The following RS1 variants were observed in gnomAD, a reference collection of about 807,000 sequenced individuals.
RS1 encodes the protein retinoschisin.
Under a neutral mutation model 20.8 loss-of-function variants are expected in RS1, and 2 were observed. The observed-to-expected ratio is 0.10, with a 90% CI of 0.04 to 0.30. The LOEUF is 0.30. RS1 is among the 10% of genes least tolerant of loss of function. The pLI is 1.00. For missense variants in RS1, 151 were observed against 189.8 expected (o/e 0.80, Z 1.20); for synonymous variants, 70 against 75.8 (o/e 0.92, Z 0.40).
intron 1 of RS1, among the ~76,000 whole-genome samples, chrX:18,661,884 G>C (rs969438294): frequency 8.9e-6 from 1 of 112,605 alleles, no homozygotes; most frequent in East Asian, 2.8e-4. Flanking sequence ...TAGGGTCTTG[G>C]AGTTTTGATA....
chrX:18,651,270 A>T lies in RS1; in HGVS notation c.185-3938T>A, dbSNP rs868109050. Among the ~76,000 whole-genome samples, 698 of 105,060 alleles carry T rather than the reference A, an allele frequency of 6.6e-3. 8 individuals carry two copies. Among genetic ancestry groups the T allele is most frequent in the African/African-American group, 0.023 (641 of 27,625 alleles). 91.2% of individuals were successfully genotyped at this position (105,060 alleles called of 115,157 possible). A position where few individuals can be genotyped will look rare whatever the true frequency, so the allele number is the denominator to read the frequency against. On this transcript the variant is annotated intron_variant, in intron 3 of 5. Coordinates refer to ENST00000379984, the MANE Select transcript of RS1 (RefSeq NM_000330.4). ...GTGTGTGTGTGTGTGTGTGTGAGAGAGAGAGAGAGAGAGAGAGACAGAGAG... is the reference window on the plus strand; with the variant it reads ...GTGTGTGTGTGTGTGTGTGTGAGAGTGAGAGAGAGAGAGAGAGACAGAGAG...
intron 1 of RS1, among the ~76,000 whole-genome samples, chrX:18,664,027 C>T (rs964186438): frequency 4.5e-5 from 5 of 111,499 alleles, no homozygotes; most frequent in African/African-American, 1.3e-4. Context: ...AACATATATG[C>T]GCCCTATGAC....
chrX:18,651,234 T>C (rs1928021604), intron 3 of RS1, among the ~76,000 whole-genome samples: 1 of 92,163 alleles, frequency 1.1e-5, no homozygotes, highest in Admixed American at 1.2e-4. Context: ...TGTGTGTGTG[T>C]GTGTGTGTGT....
chrX:18,650,520 C>T lies in RS1; in HGVS notation c.185-3188G>A, dbSNP rs267608665. 2.5e-5 allele frequency: 30 copies of T among 1,210,465 alleles called. No homozygotes were observed. The highest frequency in any genetic ancestry group is 2.3e-4 in the Middle Eastern group (1 of 4,376). ...TGCTCCCTATCCAGTACTCCAGGTCCGAGGCACTTCCATGTGCCCGACACT... is the reference window on the plus strand; with the variant it reads ...TGCTCCCTATCCAGTACTCCAGGTCTGAGGCACTTCCATGTGCCCGACACT... On this transcript the variant is annotated intron_variant, in intron 3 of 5. Transcript: ENST00000379984.
intron 3 of RS1, among the ~76,000 whole-genome samples, chrX:18,652,840 A>G (rs995505530): frequency 3.6e-5 from 4 of 112,588 alleles, no homozygotes; most frequent in African/African-American, 6.5e-5. Flanking sequence ...CTGAGCCATG[A>G]TGTGATCATG....
chrX:18,641,459 C>G lies in RS1; in HGVS notation c.*545G>C. 1 of 120,574 alleles carries G rather than the reference C, an allele frequency of 8.3e-6. No individual in the cohort carries two copies. The highest frequency in any genetic ancestry group is 8.2e-5 in the Admixed American group (1 of 12,125). 9.9% of individuals were successfully genotyped at this position (120,574 alleles called of 1,213,427 possible). Reference sequence around the variant, plus strand: ...TATAGCCTCTCAGGGCACCGGGATTCTCACCCACCGCACTCATCCCTGCCA... The same window carrying G: ...TATAGCCTCTCAGGGCACCGGGATTGTCACCCACCGCACTCATCCCTGCCA... On this transcript the variant is annotated 3_prime_UTR_variant, in exon 6 of 6. Transcript: ENST00000379984.
chrX:18,668,521 T>C (rs1026230660), intron 1 of RS1, among the ~76,000 whole-genome samples: 2 of 113,246 alleles, frequency 1.8e-5, no homozygotes, highest in Non-Finnish European at 3.7e-5. Context: ...AAAAATGGTC[T>C]GTAACCAGCT....
intron 2 of RS1, 61 bp from the exon 3 acceptor site, chrX:18,656,819 C>T (rs1191260158): frequency 1.1e-6 from 1 of 928,273 alleles, no homozygotes; most frequent in Non-Finnish European, 1.6e-6. Flanking sequence ...GTGGTTGCCC[C>T]CACGGAGTGA....
In RS1 at chrX:18,653,630, C is replaced by G. The variant is rs1002487286; in HGVS notation, c.184+3023G>C. ...TTAACACCAATGAATCAACCATTAA[C>G]GCTGAGGTTGAGTTTTCCTTTCTGA... On this transcript the variant is annotated intron_variant, in intron 3 of 5. Transcript: ENST00000379984. 3 of 1,095,088 alleles carry G rather than the reference C, an allele frequency of 2.7e-6. No individual in the cohort carries two copies. In the African/African-American group the frequency reaches 5.5e-5, roughly 20 times the overall value. 90.2% of individuals were successfully genotyped at this position (1,095,088 alleles called of 1,213,427 possible).
rs1927588384 is a variant in RS1 at position 18,641,880 on chromosome X, C to T, written c.*124G>A. The T allele has an allele frequency of 1.4e-6, 1 of 709,970 alleles. No homozygotes were observed. The highest frequency in any genetic ancestry group is 2.2e-6 in the Non-Finnish European group (1 of 461,531). The allele number at this position is 709,970 out of a possible 1,213,427, so 58.5% of individuals were successfully genotyped here. A position where few individuals can be genotyped will look rare whatever the true frequency, so the allele number is the denominator to read the frequency against. ...CTTAAAAAAAAAAAAATTATCTACCCAGCACTGCAGTTACAATTGCTTTGC... is the reference window on the plus strand; with the variant it reads ...CTTAAAAAAAAAAAAATTATCTACCTAGCACTGCAGTTACAATTGCTTTGC... On this transcript the variant is annotated 3_prime_UTR_variant, in exon 6 of 6. Coordinates refer to ENST00000379984, the MANE Select transcript of RS1 (RefSeq NM_000330.4).
chrX:18,644,709 GC>G, intron 4 of RS1, 84 bp from the exon 5 acceptor site: 1 of 1,006,573 alleles, frequency 9.9e-7, no homozygotes, highest in Non-Finnish European at 1.4e-6. Flanking sequence ...TCGAGGGGAT[GC>G]CAGCATCCAA....
At chrX:18,648,394 A>G (rs764976448) in intron 3 of RS1, among the ~76,000 whole-genome samples, 55 of 110,093 alleles carry the variant, frequency 5.0e-4, no homozygotes, top group African/African-American at 1.6e-3. Context: ...GGTGCACACC[A>G]CCACACCCAG....
intron 1 of RS1, among the ~76,000 whole-genome samples, chrX:18,664,223 TG>T (rs1602323089): frequency 8.9e-6 from 1 of 112,643 alleles, no homozygotes; most frequent in African/African-American, 3.2e-5. Flanking sequence ...AACACTATAC[TG>T]CAATGCAAAT....
At chrX:18,648,660 T>G (rs907158362) in intron 3 of RS1, among the ~76,000 whole-genome samples, 3 of 112,239 alleles carry the variant, frequency 2.7e-5, no homozygotes, top group Admixed American at 1.9e-4. Context: ...ACATAACTTC[T>G]GACCAGTGAG....
intron 4 of RS1, chrX:18,645,897 C>G (rs1203863620): frequency 5.1e-6 from 6 of 1,167,988 alleles, no homozygotes; most frequent in Non-Finnish European, 6.9e-6. Flanking sequence ...GCCCCCTAAC[C>G]AAACTCTGGT....
chrX:18,670,300 A>T (rs1157334311), intron 1 of RS1, among the ~76,000 whole-genome samples: 1 of 97,413 alleles, frequency 1.0e-5, no homozygotes, highest in Non-Finnish European at 2.0e-5. Flanking sequence ...ATCTCAGCTC[A>T]CTGCAACCTC....
In RS1 at chrX:18,642,718, C is replaced by T. The variant is rs191442574; in HGVS notation, c.523-562G>A. 2.7e-5 allele frequency among the ~76,000 whole-genome samples: 3 copies of T among 112,526 alleles called. No homozygotes were observed. The Admixed American group carries it at 2.8e-4, about 11-fold the overall frequency. ...TTTGATACAAGTGATGAGTACCTTTCCAACTTGGAAAATGTTTTTTTAAAA... is the reference window on the plus strand; with the variant it reads ...TTTGATACAAGTGATGAGTACCTTTTCAACTTGGAAAATGTTTTTTTAAAA... On this transcript the variant is annotated intron_variant, in intron 5 of 5. Transcript: ENST00000379984.
chrX:18,663,336 CTTTTTTT>C (rs56314934), intron 1 of RS1, among the ~76,000 whole-genome samples: 11 of 28,290 alleles, frequency 3.9e-4, no homozygotes, highest in African/African-American at 1.2e-3. Context: ...CTGTGCCTGG[CTTTTTTT>C]TTTTTTTTTT....
At chrX:18,669,487 C>CAAAAAA (rs386416704) in intron 1 of RS1, among the ~76,000 whole-genome samples, 100 of 58,891 alleles carry the variant, frequency 1.7e-3, no homozygotes, top group African/African-American at 7.2e-3. Flanking sequence ...GTGAAATTCT[C>CAAAAAA]AAAAAAAAAA....
Sources: allele counts gnomAD v4.1 joint callset (sites outside exome capture counted in the v4.1 genomes callset), GRCh38; gene constraint gnomAD v4.1.1; transcripts MANE v1.5; gene names NCBI Gene and HGNC (gene_info 2026-07-23, HGNC 2026-07-21).